ARHGAP28: variants seen among roughly 807,000 people sequenced by gnomAD.
ARHGAP28 encodes Rho GTPase activating protein 28, also known as rho GTPase-activating protein 28.
ARHGAP28 carries 56 observed loss-of-function variants against 90.7 expected under a neutral mutation model. The ratio of observed to expected loss-of-function variants is 0.62; its 90% CI spans 0.50 to 0.77. The LOEUF (loss-of-function observed/expected upper bound fraction) is 0.77. Among genes scored for constraint, ARHGAP28 ranks in the 30% least tolerant of loss-of-function variants. The pLI is 0.00. For missense variants in ARHGAP28, 869 were observed against 900.9 expected (o/e 0.96, Z 0.45); for synonymous variants, 308 against 323.3 (o/e 0.95, Z 0.51).
At chr18:6,748,677 C>A (rs1177347401) in intron 1 of ARHGAP28, among the ~76,000 whole-genome samples, 1 of 152,048 alleles carries the variant, frequency 6.6e-6, no homozygotes, top group Non-Finnish European at 1.5e-5. Flanking sequence ...AGGTCAGGGC[C>A]CAAGAAGGTA....
Position 6,870,828 on chromosome 18 carries a change from C to T in ARHGAP28, c.954+96C>T, listed in dbSNP as rs1388279481. On this transcript the variant is annotated intron_variant, in intron 7 of 17. Coordinates refer to ENST00000383472, the MANE Select transcript of ARHGAP28 (RefSeq NM_001366230.1). ...TTCTTTTTTTTTTTTGAGACGGAGTCTCGCTCTATTGCCCCAGGCTGGAGT... is the reference window on the plus strand; with the variant it reads ...TTCTTTTTTTTTTTTGAGACGGAGTTTCGCTCTATTGCCCCAGGCTGGAGT... 7 of 1,331,780 alleles carry T rather than the reference C, an allele frequency of 5.3e-6. No individual in the cohort carries two copies. The African/African-American group carries it at 6.0e-5, about 11-fold the overall frequency. The allele number at this position is 1,331,780 out of a possible 1,614,324, so 82.5% of individuals were successfully genotyped here. A position where few individuals can be genotyped will look rare whatever the true frequency, so the allele number is the denominator to read the frequency against.
intron 6 of ARHGAP28, among the ~76,000 whole-genome samples, chr18:6,868,627 G>A (rs2057056931): frequency 6.6e-6 from 1 of 151,970 alleles, no homozygotes; most frequent in Non-Finnish European, 1.5e-5. Context: ...TGACAAGGCT[G>A]CTGGGGAGGC....
At chr18:6,888,302 A>C (rs1320800803) in intron 12 of ARHGAP28, among the ~76,000 whole-genome samples, 2 of 152,174 alleles carry the variant, frequency 1.3e-5, no homozygotes, top group East Asian at 1.9e-4. Context: ...ATTTGTTTTA[A>C]GTACAACAGG....
chr18:6,811,794 G>A (rs1285089921), intron 1 of ARHGAP28, among the ~76,000 whole-genome samples: 2 of 151,792 alleles, frequency 1.3e-5, no homozygotes, highest in Admixed American at 6.6e-5. Flanking sequence ...TTCTCAAAAG[G>A]TTACTCAAAT....
intron 4 of ARHGAP28, among the ~76,000 whole-genome samples, chr18:6,852,232 C>A (rs1600247332): frequency 1.3e-5 from 2 of 152,292 alleles, no homozygotes; most frequent in East Asian, 3.9e-4. Flanking sequence ...CAAGCACTTA[C>A]AAAATGTTTA....
chr18:6,870,994 G>A (rs1232135501), intron 7 of ARHGAP28, among the ~76,000 whole-genome samples: 1 of 152,158 alleles, frequency 6.6e-6, no homozygotes, highest in Non-Finnish European at 1.5e-5. Context: ...TAGAGATGGG[G>A]TTTCACCATG....
chr18:6,735,766 G>A lies in ARHGAP28; in HGVS notation c.122+5823G>A, dbSNP rs150077975. Among the ~76,000 whole-genome samples, 1,085 of 152,130 alleles carry A rather than the reference G, an allele frequency of 7.1e-3. 16 individuals are homozygous for A. The highest frequency in any genetic ancestry group is 0.025 in the African/African-American group (1,023 of 41,476). Reference sequence around the variant, plus strand: ...GATGGAGTTTTGCCGTGTTGCCCAGGCTGGTCTCAAACTTCTGGGCTCAAG... The same window carrying A: ...GATGGAGTTTTGCCGTGTTGCCCAGACTGGTCTCAAACTTCTGGGCTCAAG... On this transcript the variant is annotated intron_variant, in intron 1 of 17. Coordinates refer to ENST00000383472, the MANE Select transcript of ARHGAP28 (RefSeq NM_001366230.1).
At chr18:6,809,429 A>G (rs1349602229) in intron 1 of ARHGAP28, among the ~76,000 whole-genome samples, 1 of 152,194 alleles carries the variant, frequency 6.6e-6, no homozygotes, top group Non-Finnish European at 1.5e-5. Flanking sequence ...CTATAAAGAC[A>G]TACCTGAGAC....
intron 16 of ARHGAP28, among the ~76,000 whole-genome samples, chr18:6,903,603 C>T (rs565371022): frequency 2.6e-5 from 4 of 151,948 alleles, no homozygotes; most frequent in South Asian, 2.1e-4. Context: ...GAGGCCGAGG[C>T]GGGTGGATCA....
chr18:6,912,084 C>T lies in ARHGAP28; in HGVS notation c.2120C>T (p.Ala707Val), dbSNP rs780161676. Reference protein sequence around the residue: ...NIGEHCLDPDAYILDVYRINP... With the variant: ...NIGEHCLDPDVYILDVYRINP... ...GGAGAGCATTGCTTGGATCCAGATG[C>T]TTATATATTGGATGTATATCGTATA... The change falls in exon 18 of 18, where the codon GCT becomes GTT. Residue 707 changes from alanine to valine, a missense_variant. Coordinates refer to ENST00000383472, the MANE Select transcript of ARHGAP28 (RefSeq NM_001366230.1). 30 of 1,606,002 alleles carry T rather than the reference C, an allele frequency of 1.9e-5. No homozygotes were observed. The highest frequency in any genetic ancestry group is 2.4e-5 in the Non-Finnish European group (28 of 1,175,200).
chr18:6,789,881 A>G (rs900025702), intron 1 of ARHGAP28: 23 of 151,686 alleles, frequency 1.5e-4, no homozygotes, highest in African/African-American at 5.1e-4. Flanking sequence ...AGGCTAAAGC[A>G]CAGTGGCATG....
At chr18:6,803,586 G>A (rs1473818523) in intron 1 of ARHGAP28, among the ~76,000 whole-genome samples, 2 of 151,942 alleles carry the variant, frequency 1.3e-5, no homozygotes, top group African/African-American at 2.4e-5. Context: ...GGTAATGCTG[G>A]CCTCATAGAA....
At chr18:6,842,625 T>C (rs886642156) in intron 3 of ARHGAP28, among the ~76,000 whole-genome samples, 2 of 152,196 alleles carry the variant, frequency 1.3e-5, no homozygotes, top group African/African-American at 4.8e-5. Flanking sequence ...CTCTGTTGAC[T>C]TTGATCCTTG....
chr18:6,868,135 T>G lies in ARHGAP28; in HGVS notation c.727-15T>G, dbSNP rs200508776. ...ATGGTAAAATGTTTTGTGTTCATCT[T>G]CCTTTGCTTGGCAGGCTATACTTGA... On this transcript the variant is annotated splice_polypyrimidine_tract_variant and intron_variant, in intron 5 of 17. Transcript: ENST00000383472. 1 of 1,608,624 alleles carries G rather than the reference T, an allele frequency of 6.2e-7. No homozygotes were observed. Among genetic ancestry groups the G allele is most frequent in the Non-Finnish European group, 8.5e-7 (1 of 1,175,076 alleles).
Position 6,859,832 on chromosome 18 carries a change from A to G in ARHGAP28, c.661A>G (p.Thr221Ala). The change falls in exon 5 of 18, where the codon ACT becomes GCT. Residue 221 changes from threonine (T) to alanine (A), a missense_variant. Coordinates refer to ENST00000383472, the MANE Select transcript of ARHGAP28 (RefSeq NM_001366230.1). ...GCCAGATGATGCTTCTCTCAACAGTACTACCCTGTCTGACGCATCCCAGGA... is the reference window on the plus strand; with the variant it reads ...GCCAGATGATGCTTCTCTCAACAGTGCTACCCTGTCTGACGCATCCCAGGA... ...SMPDDASLNS[T>A]TLSDASQDKE... The G allele has an allele frequency of 6.2e-7, 1 of 1,614,156 alleles. No individual in the cohort carries two copies. The highest frequency in any genetic ancestry group is 8.5e-7 in the Non-Finnish European group (1 of 1,180,000).
At chr18:6,803,818 G>A (rs909012282) in intron 1 of ARHGAP28, among the ~76,000 whole-genome samples, 6 of 150,510 alleles carry the variant, frequency 4.0e-5, no homozygotes, top group East Asian at 3.9e-4. Flanking sequence ...TCACTCTGTC[G>A]CCCAGGCTGG....
chr18:6,731,983 G>A (rs1233092509), intron 1 of ARHGAP28, among the ~76,000 whole-genome samples: 3 of 151,988 alleles, frequency 2.0e-5, no homozygotes, highest in African/African-American at 7.3e-5. Context: ...GCCCTAGAAA[G>A]CGTGGACTTT....
intron 15 of ARHGAP28, among the ~76,000 whole-genome samples, chr18:6,895,472 C>T (rs1281428376): frequency 2.0e-5 from 3 of 152,226 alleles, no homozygotes; most frequent in Admixed American, 1.3e-4. Flanking sequence ...GTTCTTGAGG[C>T]TGAAAGTCCA....
intron 1 of ARHGAP28, among the ~76,000 whole-genome samples, chr18:6,770,607 T>A (rs2056234698): frequency 6.6e-6 from 1 of 152,220 alleles, no homozygotes; most frequent in Non-Finnish European, 1.5e-5. Flanking sequence ...TGAGCTCTCT[T>A]GCTCCACATA....
Sources: allele counts gnomAD v4.1 joint callset (sites outside exome capture counted in the v4.1 genomes callset), GRCh38; gene constraint gnomAD v4.1.1; transcripts MANE v1.5; gene names NCBI Gene and HGNC (gene_info 2026-07-23, HGNC 2026-07-21).